The following ABI1 variants were observed in gnomAD, a reference collection of about 807,000 sequenced individuals.
ABI1 encodes the protein Abelson interactor 1.
A neutral mutation model predicts 54.6 loss-of-function variants in ABI1; 14 were observed. That is an observed-to-expected ratio of 0.26 (90% CI 0.17 to 0.40). The LOEUF is 0.40. ABI1 is among the 10% of genes least tolerant of loss of function. The pLI is 1.00. For synonymous variants in ABI1, 194 were observed against 209.3 expected (o/e 0.93, Z 0.63); for missense variants, 443 against 598.3 (o/e 0.74, Z 2.71).
At chr10:26,810,486 A>G (rs1324187541) in intron 2 of ABI1, among the ~76,000 whole-genome samples, 1 of 152,220 alleles carries the variant, frequency 6.6e-6, no homozygotes, top group Non-Finnish European at 1.5e-5. Flanking sequence ...TTTGAAGTAA[A>G]TGTTTTTATA....
intron 2 of ABI1, among the ~76,000 whole-genome samples, chr10:26,811,581 A>G (rs932890826): frequency 6.6e-6 from 1 of 152,200 alleles, no homozygotes; most frequent in Non-Finnish European, 1.5e-5. Flanking sequence ...AAGATAAAAA[A>G]TACTATTTCA....
intron 1 of ABI1, among the ~76,000 whole-genome samples, chr10:26,850,757 G>C (rs1040174927): frequency 6.6e-6 from 1 of 152,104 alleles, no homozygotes; most frequent in Non-Finnish European, 1.5e-5. Flanking sequence ...GAGTTCAGTT[G>C]CTAGCATCTT....
Position 26,851,348 on chromosome 10 carries a change from A to ATTTTTTTTTTTTTTTTTTTTT in ABI1, c.117+9378_117+9398dup, listed in dbSNP as rs397724445. ...GTAGCTGGGACTACAGACTAAGCTA[A>ATTTTTTTTTTTTTTTTTTTTT]TTTTTTTTTTTTTTTTTTTTTTTTT... On this transcript the variant is annotated intron_variant, in intron 1 of 10. Transcript: ENST00000376140. Among the ~76,000 whole-genome samples the ATTTTTTTTTTTTTTTTTTTTT allele has an allele frequency of 2.5e-4, 17 of 67,808 alleles. 2 individuals are homozygous for ATTTTTTTTTTTTTTTTTTTTT. Among genetic ancestry groups the ATTTTTTTTTTTTTTTTTTTTT allele is most frequent in the African/African-American group, 1.1e-3 (17 of 15,544 alleles). 44.5% of individuals were successfully genotyped at this position (67,808 alleles called of 152,430 possible). A position where few individuals can be genotyped will look rare whatever the true frequency, so the allele number is the denominator to read the frequency against.
chr10:26,791,077 A>AAAC (rs1457818460), intron 2 of ABI1, among the ~76,000 whole-genome samples: 1 of 151,366 alleles, frequency 6.6e-6, no homozygotes, highest in Non-Finnish European at 1.5e-5. Flanking sequence ...TCAAAAAAAA[A>AAAC]AAAAAAAAAA....
chr10:26,800,375 A>T (rs112246195), intron 2 of ABI1, among the ~76,000 whole-genome samples: 5 of 152,152 alleles, frequency 3.3e-5, no homozygotes, highest in African/African-American at 7.2e-5. Context: ...AAAGAGTGAG[A>T]CTGTGTCTCA....
In ABI1 at chr10:26,839,671, C is replaced by T. The variant is rs1403045462; in HGVS notation, c.118-16366G>A. ...CTGTTTAAAAAAAAAAAAAAACATG[C>T]CAGGCTTGGTGGCTCACACCTGTAA... On this transcript the variant is annotated intron_variant, in intron 1 of 10. Transcript: ENST00000376140. 1.9e-5 allele frequency: 12 copies of T among 624,578 alleles called. No individual in the cohort carries two copies. In the African/African-American group the frequency reaches 2.1e-4, roughly 11 times the overall value. 38.7% of individuals were successfully genotyped at this position (624,578 alleles called of 1,614,324 possible). A position where few individuals can be genotyped will look rare whatever the true frequency, so the allele number is the denominator to read the frequency against.
At chr10:26,836,820 T>C (rs2049113906) in intron 1 of ABI1, among the ~76,000 whole-genome samples, 2 of 152,218 alleles carry the variant, frequency 1.3e-5, no homozygotes, top group African/African-American at 4.8e-5. Flanking sequence ...CTCCTTACTG[T>C]TTAAGTTAAC....
chr10:26,804,012 T>A (rs2046725122), intron 2 of ABI1, among the ~76,000 whole-genome samples: 1 of 151,388 alleles, frequency 6.6e-6, no homozygotes, highest in Non-Finnish European at 1.5e-5. Context: ...AAAAAAAAAA[T>A]TCTATTATAT....
At position 26,860,931 on chromosome 10, in the gene ABI1, C is replaced by G. The variant is rs144851565; in HGVS notation, c.-68G>C. 1.4e-6 allele frequency: 2 copies of G among 1,440,950 alleles called. No individual in the cohort carries two copies. The highest frequency in any genetic ancestry group is 1.9e-6 in the Non-Finnish European group (2 of 1,027,412). The allele number at this position is 1,440,950 out of a possible 1,614,324, so 89.3% of individuals were successfully genotyped here. ...GAGGCAGCAAGGTCCGCCGAGGCTC[C>G]GAGCACCTCACAGCCCGGATACAAA... On this transcript the variant is annotated 5_prime_UTR_variant, in exon 1 of 11. Coordinates refer to ENST00000376140, the MANE Select transcript of ABI1 (RefSeq NM_001012750.3). The surrounding 1 kb of genome is among the most constrained non-coding windows in gnomAD (Gnocchi z 4.1).
chr10:26,826,747 C>T (rs766917212), intron 1 of ABI1, among the ~76,000 whole-genome samples: 8 of 152,176 alleles, frequency 5.3e-5, no homozygotes, highest in Non-Finnish European at 8.8e-5. Context: ...TGCACTTTCA[C>T]GTTATAGAGA....
intron 1 of ABI1, among the ~76,000 whole-genome samples, chr10:26,838,820 A>G (rs1450879212): frequency 6.6e-6 from 1 of 152,194 alleles, no homozygotes; most frequent in East Asian, 1.9e-4. Context: ...TGGTTAAATA[A>G]CTTGCCCAAG....
At chr10:26,817,493 T>C (rs987963467) in intron 2 of ABI1, among the ~76,000 whole-genome samples, 2 of 152,126 alleles carry the variant, frequency 1.3e-5, no homozygotes, top group African/African-American at 4.8e-5. Flanking sequence ...GAAAATAAGC[T>C]GGGCACAATG....
chr10:26,843,172 G>T (rs1396916705), intron 1 of ABI1, among the ~76,000 whole-genome samples: 2 of 151,864 alleles, frequency 1.3e-5, no homozygotes, highest in Admixed American at 1.3e-4. Flanking sequence ...TCTTGGTGGG[G>T]TCCAGCATGG....
chr10:26,791,876 G>C (rs1384073845), intron 2 of ABI1, among the ~76,000 whole-genome samples: 1 of 151,972 alleles, frequency 6.6e-6, no homozygotes, highest in Non-Finnish European at 1.5e-5. Flanking sequence ...GCAAATAAAT[G>C]GCATATTTAT....
chr10:26,762,874 G>A (rs1412613875), intron 7 of ABI1, among the ~76,000 whole-genome samples: 1 of 152,120 alleles, frequency 6.6e-6, no homozygotes, highest in Non-Finnish European at 1.5e-5. Flanking sequence ...ACTTGACTAG[G>A]TATCAATAAA....
intron 3 of ABI1, among the ~76,000 whole-genome samples, chr10:26,776,228 A>T (rs1841393547): frequency 6.6e-6 from 1 of 152,214 alleles, no homozygotes; most frequent in Non-Finnish European, 1.5e-5. Context: ...TCCTCTCTCG[A>T]CCAGGAACCC....
intron 1 of ABI1, among the ~76,000 whole-genome samples, chr10:26,827,652 G>T (rs1285979349): frequency 2.0e-5 from 3 of 150,654 alleles, no homozygotes; most frequent in African/African-American, 7.4e-5. Flanking sequence ...GAGTGCAATG[G>T]AGTGATCTCG....
rs1839557808 is a variant in ABI1 at position 26,763,903 on chromosome 10, A to T, written c.820+1315T>A. The T allele has an allele frequency of 6.2e-7, 1 of 1,613,116 alleles. No homozygotes were observed. ...ACCTATCACAGTGCTCACTGGGAGAAGTGGTGCCAGAGGTGGTGCTGGTGG... is the reference window on the plus strand; with the variant it reads ...ACCTATCACAGTGCTCACTGGGAGATGTGGTGCCAGAGGTGGTGCTGGTGG... On this transcript the variant is annotated intron_variant, in intron 7 of 10. Transcript: ENST00000376140.
rs370658142 is a variant in ABI1 at position 26,770,238 on chromosome 10, T to C, written c.578+7A>G. The C allele has an allele frequency of 1.2e-6, 2 of 1,611,556 alleles. No individual in the cohort carries two copies. Among genetic ancestry groups the C allele is most frequent in the African/African-American group, 2.7e-5 (2 of 75,012 alleles). On this transcript the variant is annotated splice_region_variant and intron_variant, in intron 5 of 10. Transcript: ENST00000376140. ...AATTCTTTTGCAAAATGTAGTTGAA[T>C]TCTTACCCCAGTGTTCCCCGGCCTG... is the stretch of plus-strand genomic sequence containing the variant.
Sources: allele counts gnomAD v4.1 joint callset (sites outside exome capture counted in the v4.1 genomes callset), GRCh38; gene constraint gnomAD v4.1.1; non-coding constraint Gnocchi (gnomAD v3.1); transcripts MANE v1.5; gene names NCBI Gene and HGNC (gene_info 2026-07-23, HGNC 2026-07-21).